CCDC61: variants seen among roughly 807,000 people sequenced by gnomAD.
CCDC61 encodes centrosomal protein CCDC61.
Under a neutral mutation model 63.0 loss-of-function variants are expected in CCDC61, and 55 were observed. The ratio of observed to expected loss-of-function variants is 0.87; its 90% CI spans 0.70 to 1.09. The LOEUF (loss-of-function observed/expected upper bound fraction) is 1.09, where lower values mean the gene tolerates loss of function less well. Among genes scored for constraint, CCDC61 ranks in the 50% least tolerant of loss-of-function variants. The pLI is 0.00. For missense variants in CCDC61, 651 were observed against 731.4 expected (o/e 0.89, Z 1.27); for synonymous variants, 270 against 317.0 (o/e 0.85, Z 1.58).
At chr19:46,003,344 T>C (rs985994372) in intron 2 of CCDC61, 75 bp from the exon 3 acceptor site, 3 of 1,485,344 alleles carry the variant, frequency 2.0e-6, no homozygotes, top group Non-Finnish European at 2.8e-6. Flanking sequence ...TCGGGTAGAA[T>C]TGCAGAGCTT....
intron 3 of CCDC61, among the ~76,000 whole-genome samples, chr19:46,003,995 G>A (rs1968647658): frequency 1.3e-5 from 2 of 152,006 alleles, no homozygotes; most frequent in African/African-American, 4.8e-5. Flanking sequence ...CTGGAGTGCA[G>A]TGGCACCATC....
chr19:46,011,124 G>A (rs142959479), intron 5 of CCDC61, among the ~76,000 whole-genome samples: 4 of 148,474 alleles, frequency 2.7e-5, no homozygotes, highest in African/African-American at 1.0e-4. Context: ...ATCTTGGCTC[G>A]CTGTGTCCTT....
chr19:46,014,401 G>A (rs955854510), intron 5 of CCDC61, among the ~76,000 whole-genome samples: 14 of 152,016 alleles, frequency 9.2e-5, no homozygotes, highest in Admixed American at 3.3e-4. Context: ...TGTCTGCACC[G>A]CACTGTGTCA....
At position 46,015,348 on chromosome 19, in the gene CCDC61, G is replaced by A. The variant is rs1188008067; in HGVS notation, c.766G>A (p.Glu256Lys). ...QDCRRLAKEL[E>K]EAKASERSLR... ...CGCCCCTCTCCCCTCCCGGCAGCTC[G>A]AGGAGGCGAAGGCATCGGAGCGGAG... The change falls in exon 7 of 14, where the codon GAG becomes AAG. Residue 256 changes from glutamate to lysine, a missense_variant. Glu to Lys is a moderately conservative substitution (Grantham distance 56). Transcript: ENST00000595358. The surrounding 1 kb of genome is among the most constrained non-coding windows in gnomAD (Gnocchi z 5.3). 3.7e-6 allele frequency: 6 copies of A among 1,600,884 alleles called. No individual in the cohort carries two copies. The highest frequency in any genetic ancestry group is 5.1e-6 in the Non-Finnish European group (6 of 1,178,500).
chr19:45,997,564 C>T (rs1968517071), intron 1 of CCDC61, among the ~76,000 whole-genome samples: 1 of 151,826 alleles, frequency 6.6e-6, no homozygotes, highest in African/African-American at 2.4e-5. Context: ...CTAATTTTTA[C>T]ATTTTTAGTA....
chr19:46,018,308 A>C lies in CCDC61; in HGVS notation c.1460A>C (p.Gln487Pro). The change falls in exon 14 of 14, where the codon CAG becomes CCG. Residue 487 changes from glutamine to proline, a missense_variant. Gln to Pro is a moderately conservative substitution (Grantham distance 76). Coordinates refer to ENST00000595358, the MANE Select transcript of CCDC61 (RefSeq NM_001267723.2). This position sits in a 1 kb window ranked among gnomAD's most constrained non-coding sequence, Gnocchi z 4.2. Reference sequence around the variant, plus strand: ...CTCACAGAGTACAGCTCGGAGCACCAGGCGGCTGACATGGCCGAAATAGAC... The same window carrying C: ...CTCACAGAGTACAGCTCGGAGCACCCGGCGGCTGACATGGCCGAAATAGAC... Reference protein sequence around the residue: ...VPIKEYSSEHQAADMAEIDAR... With the variant: ...VPIKEYSSEHPAADMAEIDAR... The C allele has an allele frequency of 6.4e-7, 1 of 1,571,010 alleles. No individual in the cohort carries two copies. The highest frequency in any genetic ancestry group is 1.4e-5 in the African/African-American group (1 of 73,786).
Position 46,005,223 on chromosome 19 carries a change from T to C in CCDC61, c.232-1336T>C, listed in dbSNP as rs371396360. ...CGGGGTTTTGCCATCTTGGCCAGGC[T>C]GGTCTTGAATTCCTGGCCTCAAGTG... On this transcript the variant is annotated intron_variant, in intron 3 of 13. Coordinates refer to ENST00000595358, the MANE Select transcript of CCDC61 (RefSeq NM_001267723.2). Among the ~76,000 whole-genome samples, 7 of 150,412 alleles carry C rather than the reference T, an allele frequency of 4.7e-5. No homozygotes were observed. In the East Asian group the frequency reaches 9.8e-4, roughly 21 times the overall value.
intron 5 of CCDC61, among the ~76,000 whole-genome samples, chr19:46,012,290 A>G (rs1269477058): frequency 6.6e-6 from 1 of 152,210 alleles, no homozygotes; most frequent in East Asian, 1.9e-4. Flanking sequence ...AAGAGTATAA[A>G]ATATAAATGT....
chr19:46,007,202 C>T (rs987197410), intron 4 of CCDC61, among the ~76,000 whole-genome samples: 10 of 152,092 alleles, frequency 6.6e-5, no homozygotes, highest in African/African-American at 2.4e-4. Context: ...GCACCCACAA[C>T]CACGCCTGGC....
chr19:46,003,513 GT>G lies in CCDC61; in HGVS notation c.231+14del. The G allele has an allele frequency of 6.5e-7, 1 of 1,528,008 alleles. No homozygotes were observed. The allele number at this position is 1,528,008 out of a possible 1,614,324, so 94.7% of individuals were successfully genotyped here. On this transcript the variant is annotated intron_variant, in intron 3 of 13. Transcript: ENST00000595358. ...CAGCCCTCACTCAGGTAGGGCCCGGGTTGGCGGGTTGGGGTGGGAGGGGGGT... is the reference window on the plus strand; with the variant it reads ...CAGCCCTCACTCAGGTAGGGCCCGGGTGGCGGGTTGGGGTGGGAGGGGGGT...
At chr19:46,002,343 A>G (rs1354517412) in intron 1 of CCDC61, among the ~76,000 whole-genome samples, 1 of 152,158 alleles carries the variant, frequency 6.6e-6, no homozygotes, top group African/African-American at 2.4e-5. Flanking sequence ...TGAATGAATG[A>G]ATGAATAATA....
intron 3 of CCDC61, among the ~76,000 whole-genome samples, chr19:46,003,817 A>G (rs1032402939): frequency 1.4e-4 from 17 of 120,170 alleles, no homozygotes; most frequent in Non-Finnish European, 5.1e-5. Context: ...TTGTTTCCAA[A>G]TACGTGTGTG....
intron 5 of CCDC61, 75 bp downstream of exon 5, chr19:46,008,376 C>G (rs574412235): frequency 8.7e-7 from 1 of 1,146,260 alleles, no homozygotes; most frequent in East Asian, 2.9e-5. Flanking sequence ...CATGCTCGGT[C>G]CTGTGGGGAG....
At chr19:45,998,516 C>A (rs1265122769) in intron 1 of CCDC61, among the ~76,000 whole-genome samples, 4 of 152,156 alleles carry the variant, frequency 2.6e-5, no homozygotes, top group African/African-American at 9.7e-5. Context: ...GGGATTGGAG[C>A]TGAGACCTGG....
intron 1 of CCDC61, among the ~76,000 whole-genome samples, chr19:46,000,524 T>G (rs559889273): frequency 1.3e-5 from 2 of 151,144 alleles, no homozygotes; most frequent in East Asian, 3.9e-4. Context: ...AGCATGAGGG[T>G]TGGGCTGGAA....
rs777851819 is a variant in CCDC61, at chr19:46,015,323, C to T, written c.763-22C>T. ...ACCTCGGCCTCAGCCTGGACCTCCG[C>T]GCCCCTCTCCCCTCCCGGCAGCTCG... On this transcript the variant is annotated intron_variant, in intron 6 of 13. Coordinates refer to ENST00000595358, the MANE Select transcript of CCDC61 (RefSeq NM_001267723.2). This position sits in a 1 kb window ranked among gnomAD's most constrained non-coding sequence, Gnocchi z 5.3. The T allele has an allele frequency of 1.9e-6, 3 of 1,591,864 alleles. No homozygotes were observed. The highest frequency in any genetic ancestry group is 2.6e-6 in the Non-Finnish European group (3 of 1,175,398).
intron 5 of CCDC61, among the ~76,000 whole-genome samples, chr19:46,010,562 G>A (rs1026913954): frequency 6.6e-6 from 1 of 152,216 alleles, no homozygotes; most frequent in Non-Finnish European, 1.5e-5. Context: ...GGAGCCTGTG[G>A]GAGAGGGAGG....
At chr19:45,999,157 G>A (rs754863722) in intron 1 of CCDC61, among the ~76,000 whole-genome samples, 3 of 152,184 alleles carry the variant, frequency 2.0e-5, no homozygotes, top group Non-Finnish European at 4.4e-5. Flanking sequence ...TAAGGCAAAA[G>A]TTTGCCTTTG....
chr19:45,999,108 A>T (rs1402186624), intron 1 of CCDC61, among the ~76,000 whole-genome samples: 1 of 152,156 alleles, frequency 6.6e-6, no homozygotes, highest in African/African-American at 2.4e-5. Context: ...ATTTAGGGTG[A>T]GTCATTCATT....
Sources: allele counts gnomAD v4.1 joint callset (sites outside exome capture counted in the v4.1 genomes callset), GRCh38; gene constraint gnomAD v4.1.1; non-coding constraint Gnocchi (gnomAD v3.1); transcripts MANE v1.5; gene names NCBI Gene and HGNC (gene_info 2026-07-23, HGNC 2026-07-21).